The following PRKN variants were observed in gnomAD, a reference collection of about 807,000 sequenced individuals.
PRKN encodes the protein parkin RBR E3 ubiquitin protein ligase.
Under a neutral mutation model 59.5 loss-of-function variants are expected in PRKN, and 56 were observed. That is an observed-to-expected ratio of 0.94 (90% CI 0.76 to 1.18). PRKN has a LOEUF of 1.18. PRKN is among the 50% of genes most tolerant of loss of function. The pLI, the probability that PRKN is intolerant of heterozygous loss-of-function variation, is 0.00. For missense variants in PRKN, 657 were observed against 596.4 expected (o/e 1.10, Z -1.06); for synonymous variants, 250 against 222.1 (o/e 1.13, Z -1.12).
At chr6:162,507,866 C>T (rs6930136) in intron 1 of PRKN, among the ~76,000 whole-genome samples, 26,002 of 151,968 alleles carry the variant, frequency 0.17, 2,480 homozygotes, top group East Asian at 0.45. Context: ...GATGGATTAC[C>T]GAATAAATGT....
chr6:162,721,261 C>T (rs1435607371), intron 1 of PRKN, among the ~76,000 whole-genome samples: 2 of 152,210 alleles, frequency 1.3e-5, no homozygotes, highest in Non-Finnish European at 2.9e-5. Context: ...CTAAGAAGTA[C>T]AATGAAGGTC....
intron 7 of PRKN, among the ~76,000 whole-genome samples, chr6:161,741,755 A>G (rs532322431): frequency 2.0e-5 from 3 of 152,160 alleles, no homozygotes; most frequent in Admixed American, 6.5e-5. Flanking sequence ...ATCCCAAATT[A>G]ATAAGAACTA....
intron 9 of PRKN, among the ~76,000 whole-genome samples, chr6:161,534,148 C>T (rs963062357): frequency 6.6e-6 from 1 of 152,148 alleles, no homozygotes; most frequent in African/African-American, 2.4e-5. Flanking sequence ...TGCTCTTGAT[C>T]AGGCACCATG....
chr6:162,690,857 A>C (rs2128235010), intron 1 of PRKN, among the ~76,000 whole-genome samples: 1 of 150,856 alleles, frequency 6.6e-6, no homozygotes, highest in East Asian at 2.0e-4. Flanking sequence ...TCTTTGAAAA[A>C]CCCTTGGGTT....
Position 161,369,206 on chromosome 6 carries a change from T to C in PRKN, c.1168-9001A>G, listed in dbSNP as rs965013430. On this transcript the variant is annotated intron_variant, in intron 10 of 11. Coordinates refer to ENST00000366898, the MANE Select transcript of PRKN (RefSeq NM_004562.3). This position sits in a 1 kb window ranked among gnomAD's most constrained non-coding sequence, Gnocchi z 5.8. ...TGATGTTTAAATCCTTCTGGAGTGATCTCAAGCAGTGGCTGGGTGCCCACA... is the reference window on the plus strand; with the variant it reads ...TGATGTTTAAATCCTTCTGGAGTGACCTCAAGCAGTGGCTGGGTGCCCACA... 2.0e-5 allele frequency among the ~76,000 whole-genome samples: 3 copies of C among 152,192 alleles called. No homozygotes were observed. The highest frequency in any genetic ancestry group is 7.2e-5 in the African/African-American group (3 of 41,436).
At chr6:162,595,533 G>C (rs566993870) in intron 1 of PRKN, among the ~76,000 whole-genome samples, 1 of 152,222 alleles carries the variant, frequency 6.6e-6, no homozygotes. Context: ...TGGGATTACA[G>C]GCGTGAGCCA....
chr6:162,669,932 G>T (rs1322372008), intron 1 of PRKN, among the ~76,000 whole-genome samples: 1 of 152,176 alleles, frequency 6.6e-6, no homozygotes, highest in Non-Finnish European at 1.5e-5. Context: ...ACCTGGACAA[G>T]AAATTAATAA....
chr6:161,468,154 G>A lies in PRKN; in HGVS notation c.1083+80700C>T, dbSNP rs1376162987. ...CACCTAGCTAATTTTTGTATTTTTA[G>A]TAGAGACGGGGTTTCGCCATGTTGG... On this transcript the variant is annotated intron_variant, in intron 9 of 11. Coordinates refer to ENST00000366898, the MANE Select transcript of PRKN (RefSeq NM_004562.3). The surrounding 1 kb of genome is among the most constrained non-coding windows in gnomAD (Gnocchi z 5.9). Among the ~76,000 whole-genome samples, 10 of 151,962 alleles carry A rather than the reference G, an allele frequency of 6.6e-5. No individual in the cohort carries two copies. The highest frequency in any genetic ancestry group is 6.6e-4 in the Admixed American group (10 of 15,264).
chr6:162,418,370 G>A (rs1033841548), intron 2 of PRKN, among the ~76,000 whole-genome samples: 7 of 152,156 alleles, frequency 4.6e-5, no homozygotes, highest in Admixed American at 1.3e-4. Context: ...TACTGAGTAT[G>A]AGGTTTTCTT....
chr6:162,695,205 T>G (rs569913202), intron 1 of PRKN: 13 of 152,300 alleles, frequency 8.5e-5, no homozygotes, highest in African/African-American at 3.1e-4. Context: ...CACTTGCCCA[T>G]TTAACAAGGA....
At chr6:161,906,566 G>T (rs1198921865) in intron 6 of PRKN, among the ~76,000 whole-genome samples, 2 of 151,614 alleles carry the variant, frequency 1.3e-5, no homozygotes, top group African/African-American at 4.9e-5. Flanking sequence ...TATTAATTTT[G>T]TGAGTATTTT....
chr6:162,309,736 T>C (rs1381970064), intron 2 of PRKN, among the ~76,000 whole-genome samples: 1 of 152,208 alleles, frequency 6.6e-6, no homozygotes, highest in Non-Finnish European at 1.5e-5. Flanking sequence ...AAGGTACATG[T>C]GCAGGATGTG....
In PRKN at chr6:161,445,795, TTTCCCTTCCCTTCCC is replaced by T. The variant is rs11272825; in HGVS notation, c.1084-58933_1084-58919del. ...GGCCGCCAGCAAAGAATACAAGGGG[TTTCCCTTCCCTTCCC>T]TTCCCTTCCCTTCCCTTCCCTTCCC... is the stretch of plus-strand genomic sequence containing the variant. On this transcript the variant is annotated intron_variant, in intron 9 of 11. Transcript: ENST00000366898. The surrounding 1 kb of genome is among the most constrained non-coding windows in gnomAD (Gnocchi z 7.7). Among the ~76,000 whole-genome samples the T allele has an allele frequency of 6.7e-4, 100 of 149,400 alleles. No homozygotes were observed. Among genetic ancestry groups the T allele is most frequent in the Middle Eastern group, 6.8e-3 (2 of 292 alleles).
At chr6:162,088,483 G>GA (rs1405852748) in intron 4 of PRKN, among the ~76,000 whole-genome samples, 2 of 152,084 alleles carry the variant, frequency 1.3e-5, no homozygotes, top group African/African-American at 4.8e-5. Flanking sequence ...GCATTTATTA[G>GA]AAAAAATTAA....
At chr6:161,779,763 T>C (rs1343722001) in intron 7 of PRKN, among the ~76,000 whole-genome samples, 1 of 152,146 alleles carries the variant, frequency 6.6e-6, no homozygotes, top group Non-Finnish European at 1.5e-5. Context: ...GATTTTCTAT[T>C]TCTATTTTGT....
chr6:161,523,004 G>A (rs1778892113), intron 9 of PRKN, among the ~76,000 whole-genome samples: 1 of 151,982 alleles, frequency 6.6e-6, no homozygotes, highest in Non-Finnish European at 1.5e-5. Flanking sequence ...CAAAATAAAT[G>A]GAAGCCCTTT....
At chr6:162,088,199 T>C (rs546400443) in intron 4 of PRKN, among the ~76,000 whole-genome samples, 4 of 152,134 alleles carry the variant, frequency 2.6e-5, no homozygotes, top group Non-Finnish European at 5.9e-5. Context: ...TCTGAACCCA[T>C]ATTATGATTC....
chr6:161,750,499 G>C (rs915936303), intron 7 of PRKN, among the ~76,000 whole-genome samples: 2 of 151,974 alleles, frequency 1.3e-5, no homozygotes, highest in African/African-American at 4.8e-5. Flanking sequence ...CAGGTGTGGT[G>C]GCTCATACTT....
At chr6:162,295,505 A>G (rs1168376865) in intron 2 of PRKN, among the ~76,000 whole-genome samples, 1 of 152,138 alleles carries the variant, frequency 6.6e-6, no homozygotes. Flanking sequence ...ATTCACACAC[A>G]TGCGTCTCCC....
Sources: gnomAD v4.1 joint callset for allele counts (sites outside exome capture counted in the v4.1 genomes callset) on GRCh38, gnomAD v4.1.1 for gene constraint, Gnocchi (gnomAD v3.1) non-coding constraint, MANE v1.5 for transcripts, NCBI Gene and HGNC (gene_info 2026-07-23, HGNC 2026-07-21) for gene names.